Variants in CHIC2 observed in about 807,000 individuals in gnomAD.
CHIC2 encodes cysteine rich hydrophobic domain 2.
CHIC2 carries 14 observed loss-of-function variants against 25.9 expected under a neutral mutation model. The observed-to-expected ratio is 0.54, with a 90% confidence interval of 0.36 to 0.85. The LOEUF (loss-of-function observed/expected upper bound fraction) is 0.85. CHIC2 is among the 40% of genes least tolerant of loss of function. The pLI is 0.01. For synonymous variants in CHIC2, 70 were observed against 72.0 expected (o/e 0.97, Z 0.14); for missense variants, 146 against 202.0 (o/e 0.72, Z 1.68).
intron 1 of CHIC2, among the ~76,000 whole-genome samples, chr4:54,052,495 G>C (rs1323918003): frequency 1.3e-5 from 2 of 152,128 alleles, no homozygotes; most frequent in African/African-American, 4.8e-5. Flanking sequence ...GTATTAGAAA[G>C]GCCAAGTTTC....
chr4:54,023,021 C>T (rs1012780845), intron 3 of CHIC2, among the ~76,000 whole-genome samples: 3 of 152,116 alleles, frequency 2.0e-5, no homozygotes, highest in African/African-American at 7.2e-5. Context: ...ATACCTCCCT[C>T]CACAACCCAT....
rs1006547929 is a variant in CHIC2 at position 54,064,598 on chromosome 4, A to G, written c.-298T>C. On this transcript the variant is annotated 5_prime_UTR_variant, in exon 1 of 6. Transcript: ENST00000263921. This position sits in a 1 kb window ranked among gnomAD's most constrained non-coding sequence, Gnocchi z 4.2. Reference sequence around the variant, plus strand: ...GCCGCCGCCGCAGCAGCAGCAACTCAGGAAACCACAGCAACAGCCCGAGCC... The same window carrying G: ...GCCGCCGCCGCAGCAGCAGCAACTCGGGAAACCACAGCAACAGCCCGAGCC... The G allele has an allele frequency of 4.1e-6, 5 of 1,224,552 alleles. No individual in the cohort carries two copies. The highest frequency in any genetic ancestry group is 4.6e-5 in the Admixed American group (1 of 21,858). 75.9% of individuals were successfully genotyped at this position (1,224,552 alleles called of 1,614,324 possible).
intron 2 of CHIC2, 21 bp from the exon 3 acceptor site, chr4:54,049,131 A>G (rs1351627050): frequency 6.3e-7 from 1 of 1,589,896 alleles, no homozygotes; most frequent in East Asian, 2.2e-5. Context: ...ATTTTAAGAA[A>G]TAATAACAAT....
intron 3 of CHIC2, among the ~76,000 whole-genome samples, chr4:54,040,185 A>C (rs1363470273): frequency 6.6e-6 from 1 of 152,214 alleles, no homozygotes; most frequent in Non-Finnish European, 1.5e-5. Flanking sequence ...GTTTATAAAA[A>C]TTTTACTGTA....
At chr4:54,018,585 C>CA (rs1201747405) in intron 3 of CHIC2, among the ~76,000 whole-genome samples, 1 of 151,844 alleles carries the variant, frequency 6.6e-6, no homozygotes, top group African/African-American at 2.4e-5. Context: ...GTTTTCTAGA[C>CA]ATTACTAATA....
At chr4:54,047,003 C>T in intron 3 of CHIC2, among the ~76,000 whole-genome samples, 1 of 152,084 alleles carries the variant, frequency 6.6e-6, no homozygotes, top group African/African-American at 2.4e-5. Context: ...TGAACAGACA[C>T]TTCTCAAAAG....
At chr4:54,025,854 CAAA>C (rs66736321) in intron 3 of CHIC2, among the ~76,000 whole-genome samples, 4 of 109,764 alleles carry the variant, frequency 3.6e-5, no homozygotes, top group Admixed American at 9.7e-5. Context: ...GACCCTGTCT[CAAA>C]AAAAAAAAAA....
Position 54,047,818 on chromosome 4 carries a change from CT to C in CHIC2, c.330+1136del, listed in dbSNP as rs1472263197. Among the ~76,000 whole-genome samples the C allele has an allele frequency of 2.6e-5, 4 of 151,728 alleles. 1 individual carries two copies. The highest frequency in any genetic ancestry group is 2.6e-4 in the Admixed American group (4 of 15,236). The stretch of plus-strand genomic sequence containing the variant: ...GTATAATAATTAAAAAAAAGAAACC[CT>C]GTCTCTATTTTTTTAAATACATTTT... On this transcript the variant is annotated intron_variant, in intron 3 of 5. Coordinates refer to ENST00000263921, the MANE Select transcript of CHIC2 (RefSeq NM_012110.4).
At chr4:54,031,285 C>T (rs763927314) in intron 3 of CHIC2, among the ~76,000 whole-genome samples, 22 of 151,932 alleles carry the variant, frequency 1.4e-4, no homozygotes, top group Admixed American at 5.2e-4. Context: ...ACTGCTCCTA[C>T]AGCAGTAGGA....
chr4:54,024,029 T>C (rs1400915966), intron 3 of CHIC2, among the ~76,000 whole-genome samples: 1 of 152,164 alleles, frequency 6.6e-6, no homozygotes, highest in Non-Finnish European at 1.5e-5. Flanking sequence ...GCTGATAAGG[T>C]AGCTAAACAA....
At chr4:54,076,502 T>G in the CHIC2 span, 1 of 152,164 alleles carries the variant, frequency 6.6e-6, no homozygotes, top group African/African-American at 2.4e-5. Context: ...AATTGTTGAG[T>G]GGTTATTTTA....
At chr4:54,036,410 G>C (rs761248999) in intron 3 of CHIC2, among the ~76,000 whole-genome samples, 14 of 152,094 alleles carry the variant, frequency 9.2e-5, no homozygotes, top group Non-Finnish European at 2.1e-4. Flanking sequence ...GAGTACTCAG[G>C]GAGCTTATAA....
At chr4:54,078,602 G>A in the CHIC2 span, among the ~76,000 whole-genome samples, 20 of 152,072 alleles carry the variant, frequency 1.3e-4, no homozygotes, top group African/African-American at 4.6e-4. Flanking sequence ...TGCAACCTCC[G>A]CCTCCTGGGT....
chr4:54,070,410 G>GTATT, the CHIC2 span, among the ~76,000 whole-genome samples: 69 of 77,918 alleles, frequency 8.9e-4, no homozygotes, highest in African/African-American at 2.1e-3. Flanking sequence ...ATTTATTTAT[G>GTATT]TATTTATGTA....
chr4:54,090,800 G>C, the CHIC2 span, among the ~76,000 whole-genome samples: 1 of 152,218 alleles, frequency 6.6e-6, no homozygotes. Flanking sequence ...GTGAGGTTGG[G>C]TTGGAGATGA....
intron 3 of CHIC2, among the ~76,000 whole-genome samples, chr4:54,014,908 A>C (rs1715695053): frequency 6.6e-6 from 1 of 152,158 alleles, no homozygotes; most frequent in Admixed American, 6.5e-5. Flanking sequence ...ACCAGGATCA[A>C]CTTGCAACTT....
intron 1 of CHIC2, among the ~76,000 whole-genome samples, chr4:54,050,685 A>T (rs1716982749): frequency 6.6e-6 from 1 of 152,088 alleles, no homozygotes; most frequent in Non-Finnish European, 1.5e-5. Context: ...ACTGCCTACA[A>T]TACACAGTAC....
At chr4:54,091,679 A>C in the CHIC2 span, among the ~76,000 whole-genome samples, 1 of 152,112 alleles carries the variant, frequency 6.6e-6, no homozygotes, top group African/African-American at 2.4e-5. Flanking sequence ...TCCTCAAAAA[A>C]CTATTGAAAT....
chr4:54,021,156 T>C (rs962435291), intron 3 of CHIC2, among the ~76,000 whole-genome samples: 1 of 152,190 alleles, frequency 6.6e-6, no homozygotes, highest in Non-Finnish European at 1.5e-5. Flanking sequence ...AAATGCCTTA[T>C]TTTCTTCTGC....
Sources: allele counts gnomAD v4.1 joint callset (sites outside exome capture counted in the v4.1 genomes callset), GRCh38; gene constraint gnomAD v4.1.1; non-coding constraint Gnocchi (gnomAD v3.1); transcripts MANE v1.5; gene names NCBI Gene and HGNC (gene_info 2026-07-23, HGNC 2026-07-21).